Variants in CDCP1 observed in about 807,000 individuals in gnomAD.
The protein encoded by CDCP1 is CUB domain-containing protein 1.
A neutral mutation model predicts 60.2 loss-of-function variants in CDCP1; 29 were observed. The ratio of observed to expected loss-of-function variants is 0.48; its 90% CI spans 0.36 to 0.66. The LOEUF (loss-of-function observed/expected upper bound fraction) is 0.66. CDCP1 is among the 30% of genes least tolerant of loss of function. CDCP1 has a pLI of 0.00. For synonymous variants in CDCP1, 387 were observed against 431.1 expected, an observed-to-expected ratio of 0.90 and a Z score of 1.27; for missense variants, 876 against 1,074.3, an observed-to-expected ratio of 0.82 and a Z score of 2.58.
chr3:45,102,535 T>C (rs545033742), intron 4 of CDCP1, among the ~76,000 whole-genome samples: 8 of 148,992 alleles, frequency 5.4e-5, no homozygotes, highest in African/African-American at 1.7e-4. Context: ...CTGGGCATGG[T>C]GGCTCATGCC....
At position 45,085,460 on chromosome 3, in the gene CDCP1, C is replaced by G. The variant is rs1458014311; in HGVS notation, c.*178G>C. The G allele has an allele frequency of 2.8e-5, 18 of 641,934 alleles. No individual in the cohort carries two copies. In the Middle Eastern group the frequency reaches 1.3e-3, roughly 46 times the overall value. The allele number at this position is 641,934 out of a possible 1,614,324, so 39.8% of individuals were successfully genotyped here. Reference sequence around the variant, plus strand: ...TATCCAGATTGGAATTCATCATTTTCAATGTCTTGCCCTTAGAATGAGTCC... The same window carrying G: ...TATCCAGATTGGAATTCATCATTTTGAATGTCTTGCCCTTAGAATGAGTCC... On this transcript the variant is annotated 3_prime_UTR_variant, in exon 9 of 9. Transcript: ENST00000296129. This position sits in a 1 kb window ranked among gnomAD's most constrained non-coding sequence, Gnocchi z 4.2.
intron 1 of CDCP1, among the ~76,000 whole-genome samples, chr3:45,120,955 G>A (rs868677521): frequency 1.3e-5 from 2 of 151,964 alleles, no homozygotes; most frequent in Non-Finnish European, 2.9e-5. Flanking sequence ...CTTGATGTCC[G>A]TGAGCTCCTA....
rs1299246155 is a variant in CDCP1 at position 45,133,578 on chromosome 3, C to T, written c.82+12628G>A. On this transcript the variant is annotated intron_variant, in intron 1 of 8. Transcript: ENST00000296129. The stretch of plus-strand genomic sequence containing the variant: ...CTAAAAATACAAAAAATTAGCCGGG[C>T]GTGGTAGCGGGCGCCTGTAGTCCCA... 4.9e-4 allele frequency among the ~76,000 whole-genome samples: 9 copies of T among 18,226 alleles called. 2 individuals carry two copies. Among genetic ancestry groups the T allele is most frequent in the Admixed American group, 1.1e-3 (2 of 1,810 alleles). 12.0% of individuals were successfully genotyped at this position (18,226 alleles called of 152,430 possible).
intron 8 of CDCP1, among the ~76,000 whole-genome samples, chr3:45,087,343 C>G (rs1698212852): frequency 6.6e-6 from 1 of 152,176 alleles, no homozygotes; most frequent in Non-Finnish European, 1.5e-5. Flanking sequence ...CAGCCTCACA[C>G]AAGCAAGGCC....
chr3:45,115,179 T>C (rs1430696705), intron 2 of CDCP1, among the ~76,000 whole-genome samples: 7 of 123,572 alleles, frequency 5.7e-5, no homozygotes, highest in African/African-American at 2.2e-4. Flanking sequence ...TACAGTGAGC[T>C]GTGGTCACCA....
intron 4 of CDCP1, among the ~76,000 whole-genome samples, chr3:45,097,932 G>A (rs962940232): frequency 6.6e-6 from 1 of 152,112 alleles, no homozygotes; most frequent in Non-Finnish European, 1.5e-5. Flanking sequence ...ATTTGATTTG[G>A]AAAATAGTCA....
At position 45,110,835 on chromosome 3, in the gene CDCP1, C is replaced by G. The variant is rs146578482; in HGVS notation, c.662G>C (p.Cys221Ser). ...ACCCTCAAACACAGACTCGATGATG[C>G]ACAGACCTAGTGGGAGTGGAACCCA... is the stretch of plus-strand genomic sequence containing the variant. ...IANRSSIKRLCIIESVFEGEG... is the reference protein window; with the variant it reads ...IANRSSIKRLSIIESVFEGEG... The change falls in exon 4 of 9, where the codon TGC becomes TCC. Residue 221 changes from cysteine (C) to serine (S), a missense_variant. Cys to Ser is a moderately radical substitution (Grantham distance 112). Transcript: ENST00000296129. The G allele has an allele frequency of 1.1e-5, 17 of 1,611,720 alleles. No homozygotes were observed. The African/African-American group carries it at 1.9e-4, about 18-fold the overall frequency.
At chr3:45,143,837 G>A (rs1559404538) in intron 1 of CDCP1, among the ~76,000 whole-genome samples, 1 of 152,142 alleles carries the variant, frequency 6.6e-6, no homozygotes, top group Admixed American at 6.5e-5. Context: ...GGATGTGGGG[G>A]AGGAGATGGG....
At chr3:45,094,456 CT>C (rs1217555443) in intron 5 of CDCP1, among the ~76,000 whole-genome samples, 1 of 152,040 alleles carries the variant, frequency 6.6e-6, no homozygotes, top group Admixed American at 6.6e-5. Flanking sequence ...GCAGACCAGC[CT>C]GCCCAACCTC....
intron 8 of CDCP1, among the ~76,000 whole-genome samples, chr3:45,086,423 A>G (rs1698195603): frequency 6.6e-6 from 1 of 152,248 alleles, no homozygotes; most frequent in African/African-American, 2.4e-5. Flanking sequence ...AGAAATGGGC[A>G]GTGTCCCAGA....
chr3:45,119,518 TG>T (rs1159322233), intron 1 of CDCP1, among the ~76,000 whole-genome samples: 1 of 152,198 alleles, frequency 6.6e-6, no homozygotes, highest in Admixed American at 6.5e-5. Flanking sequence ...GTAAATCCTG[TG>T]GAGGGAGCCT....
intron 6 of CDCP1, 47 bp downstream of exon 6, chr3:45,093,229 TA>T (rs1444556859): frequency 6.4e-7 from 1 of 1,556,836 alleles, no homozygotes; most frequent in East Asian, 2.3e-5. Context: ...TAAAATCAAA[TA>T]AACGCTTAAA....
In CDCP1 at chr3:45,091,410, C is replaced by A. The variant is rs1426725493; in HGVS notation, c.1756G>T (p.Ala586Ser). Reference protein sequence around the residue: ...WNISVPRDQVACLTFFKERSG... With the variant: ...WNISVPRDQVSCLTFFKERSG... Reference sequence around the variant, plus strand: ...CGCTCCTTAAAGAAAGTCAGGCAGGCCACCTGGTCTCTGGGCACGCTGATG... The same window carrying A: ...CGCTCCTTAAAGAAAGTCAGGCAGGACACCTGGTCTCTGGGCACGCTGATG... Residue 586 changes from alanine to serine, a missense_variant, in exon 7 of 9, where the codon GCC becomes TCC. Ala to Ser is a moderately conservative substitution (Grantham distance 99, BLOSUM62 1). Transcript: ENST00000296129. This position sits in a 1 kb window ranked among gnomAD's most constrained non-coding sequence, Gnocchi z 4.8. 1 of 1,613,972 alleles carries A rather than the reference C, an allele frequency of 6.2e-7. No individual in the cohort carries two copies. The highest frequency in any genetic ancestry group is 1.1e-5 in the South Asian group (1 of 91,030).
rs779084978 is a variant in CDCP1, at chr3:45,085,975, C to T, written c.2174G>A (p.Gly725Glu). The change falls in exon 9 of 9, where the codon GGG becomes GAG. Residue 725 changes from glycine to glutamate, a missense_variant. Gly to Glu is a moderately conservative substitution (Grantham distance 98). Transcript: ENST00000296129. This position sits in a 1 kb window ranked among gnomAD's most constrained non-coding sequence, Gnocchi z 4.2. The part of the protein sequence containing the change: ...MPRQPKKFQK[G>E]RKDNDSHVYA... ...CACATGGGAGTCATTGTCCTTTCGC[C>T]CTTTCTGAAACTTTTTTGGCTGCCT... 1.9e-6 allele frequency: 3 copies of T among 1,614,064 alleles called. No homozygotes were observed. In the Admixed American group the frequency reaches 5.0e-5, roughly 27 times the overall value.
intron 1 of CDCP1, among the ~76,000 whole-genome samples, 180 bp downstream of exon 1, chr3:45,146,026 G>A (rs1211668316): frequency 6.6e-6 from 1 of 151,938 alleles, no homozygotes; most frequent in East Asian, 2.0e-4. Flanking sequence ...GCGCGCGCAG[G>A]AACCGAACAG....
In CDCP1 at chr3:45,106,245, G is replaced by A. The variant is rs565661300; in HGVS notation, c.1024+4228C>T. The stretch of plus-strand genomic sequence containing the variant: ...GGGCCCACTGTGCTCAGGTCCTGCT[G>A]TAGATAATGAGGGGTTTGGGCTGGC... On this transcript the variant is annotated intron_variant, in intron 4 of 8. Coordinates refer to ENST00000296129, the MANE Select transcript of CDCP1 (RefSeq NM_022842.5). 5.9e-4 allele frequency among the ~76,000 whole-genome samples: 90 copies of A among 152,306 alleles called. No homozygotes were observed. The Middle Eastern group carries it at 0.027, about 46-fold the overall frequency.
intron 1 of CDCP1, among the ~76,000 whole-genome samples, chr3:45,126,639 A>G (rs1699005392): frequency 6.6e-6 from 1 of 152,182 alleles, no homozygotes; most frequent in Non-Finnish European, 1.5e-5. Flanking sequence ...TTCACATAAG[A>G]AAGAACTAGA....
rs957678072 is a variant in CDCP1, at chr3:45,117,631, C to T, written c.292+781G>A. ...TTTTTTTTTGAGACGTAGTCTCGCT[C>T]TGTCACCCAGGCTGGAGTGCAGTGG... is the stretch of plus-strand genomic sequence containing the variant. On this transcript the variant is annotated intron_variant, in intron 2 of 8. Coordinates refer to ENST00000296129, the MANE Select transcript of CDCP1 (RefSeq NM_022842.5). Among the ~76,000 whole-genome samples, 7 of 149,190 alleles carry T rather than the reference C, an allele frequency of 4.7e-5. 1 individual carries two copies. In the South Asian group the frequency reaches 1.5e-3, roughly 32 times the overall value.
At chr3:45,124,158 C>T (rs1414184909) in intron 1 of CDCP1, among the ~76,000 whole-genome samples, 3 of 152,174 alleles carry the variant, frequency 2.0e-5, no homozygotes, top group African/African-American at 4.8e-5. Flanking sequence ...TCACACATCC[C>T]TGTTATTTCT....
Sources: gnomAD v4.1 joint callset for allele counts (sites outside exome capture counted in the v4.1 genomes callset) on GRCh38, gnomAD v4.1.1 for gene constraint, Gnocchi (gnomAD v3.1) non-coding constraint, MANE v1.5 for transcripts, NCBI Gene and HGNC (gene_info 2026-07-23, HGNC 2026-07-21) for gene names.